ZFHX2: variants seen among roughly 807,000 people sequenced by gnomAD.
ZFHX2 encodes zinc finger homeobox protein 2.
Under a neutral mutation model 164.8 loss-of-function variants are expected in ZFHX2, and 75 were observed. The ratio of observed to expected loss-of-function variants is 0.46; its 90% CI spans 0.38 to 0.55. ZFHX2 has a LOEUF of 0.55. Ranked by LOEUF, ZFHX2 falls within the 20% of genes least tolerant of loss-of-function variation. The pLI, the probability that ZFHX2 is intolerant of heterozygous loss-of-function variation, is 0.00. For missense variants in ZFHX2, 2,933 were observed against 3,308.0 expected (o/e 0.89, Z 2.78); for synonymous variants, 1,217 against 1,351.4 (o/e 0.90, Z 2.18).
chr14:23,537,514 A>G (rs1427350542), intron 1 of ZFHX2, among the ~76,000 whole-genome samples: 1 of 152,060 alleles, frequency 6.6e-6, no homozygotes, highest in African/African-American at 2.4e-5. Flanking sequence ...TGAAGGCCCC[A>G]TTGTAGCTTC....
chr14:23,538,469 C>T (rs1880435071), intron 1 of ZFHX2, among the ~76,000 whole-genome samples: 2 of 152,066 alleles, frequency 1.3e-5, no homozygotes, highest in Admixed American at 1.3e-4. Context: ...CTCTCAGAAT[C>T]GCTAGGTCCC....
rs1881341544 is a variant in ZFHX2, at chr14:23,546,001, A to C, written c.-50+5342T>G. The stretch of plus-strand genomic sequence containing the variant: ...GTAATTGACTCTTGACCTCTAGCCC[A>C]AGCCCAGCCCCAAAGGGAGAGGTCC... On this transcript the variant is annotated intron_variant, in intron 1 of 9. Transcript: ENST00000419474. The surrounding 1 kb of genome is among the most constrained non-coding windows in gnomAD (Gnocchi z 4.7). Among the ~76,000 whole-genome samples the C allele has an allele frequency of 6.6e-6, 1 of 152,226 alleles. No homozygotes were observed. Among genetic ancestry groups the C allele is most frequent in the Non-Finnish European group, 1.5e-5 (1 of 68,040 alleles).
In ZFHX2 at chr14:23,525,904, G is replaced by A. The variant is rs988358304; in HGVS notation, c.4038C>T (p.Pro1346=). 2 of 1,467,954 alleles carry A rather than the reference G, an allele frequency of 1.4e-6. No homozygotes were observed. The highest frequency in any genetic ancestry group is 2.5e-5 in the East Asian group (1 of 40,480). 90.9% of individuals were successfully genotyped at this position (1,467,954 alleles called of 1,614,324 possible). A position where few individuals can be genotyped will look rare whatever the true frequency, so the allele number is the denominator to read the frequency against. Residue 1346 remains proline, a synonymous_variant, in exon 9 of 10, where the codon CCC becomes CCT. Transcript: ENST00000419474. This position sits in a 1 kb window ranked among gnomAD's most constrained non-coding sequence, Gnocchi z 5.9. ...GTGATTCGGGCACCAGAGGGAAGGG[G>A]GGCAGGACTGGTGGGGTGAAGAGAG... is the stretch of plus-strand genomic sequence containing the variant. ...PAPLFTPPVL[P]PFPLVPESLL...
chr14:23,555,048 C>T (rs887868970), upstream of ZFHX2, among the ~76,000 whole-genome samples: 2 of 152,182 alleles, frequency 1.3e-5, no homozygotes, highest in African/African-American at 2.4e-5. Context: ...AGTGCAGTGG[C>T]GCCATCTCAG....
intron 1 of ZFHX2, among the ~76,000 whole-genome samples, chr14:23,538,613 C>G (rs1025826787): frequency 2.0e-5 from 3 of 152,086 alleles, no homozygotes; most frequent in African/African-American, 7.2e-5. Flanking sequence ...CCTTTAGTTC[C>G]TGGCTTTCCT....
Position 23,532,985 on chromosome 14 carries a change from A to G in ZFHX2, c.2141T>C (p.Leu714Pro), listed in dbSNP as rs1879749134. 1 of 1,536,052 alleles carries G rather than the reference A, an allele frequency of 6.5e-7. No individual in the cohort carries two copies. Among genetic ancestry groups the G allele is most frequent in the African/African-American group, 1.4e-5 (1 of 73,044 alleles). Residue 714 changes from leucine to proline, a missense_variant, in exon 3 of 10, where the codon CTG (leucine) becomes CCG (proline). Transcript: ENST00000419474. ...LPTSPPPDDSLSLKVFRCLVC... is the reference protein window; with the variant it reads ...LPTSPPPDDSPSLKVFRCLVC... The stretch of plus-strand genomic sequence containing the variant: ...TAGGCAGCGGAACACCTTCAGGGAC[A>G]GGCTGTCGTCTGGGGGTGGTGAGGT...
In ZFHX2 at chr14:23,524,527, T is replaced by G; in HGVS notation, c.5415A>C (p.Leu1805=). The change falls in exon 9 of 10, where the codon CTA becomes CTC. Residue 1805 remains leucine, a synonymous_variant. Coordinates refer to ENST00000419474, the MANE Select transcript of ZFHX2 (RefSeq NM_033400.3). This position sits in a 1 kb window ranked among gnomAD's most constrained non-coding sequence, Gnocchi z 5.6. ...CCCCAAACACCAGCAAGGGCAGATC[T>G]AGGAGTTGGGGGGGAGCACTGGGCT... ...SLQPSAPPQL[L]DLPLLVFGER... 6.5e-7 allele frequency: 1 copy of G among 1,526,762 alleles called. No individual in the cohort carries two copies. The highest frequency in any genetic ancestry group is 1.7e-4 in the Middle Eastern group (1 of 5,918). 94.6% of individuals were successfully genotyped at this position (1,526,762 alleles called of 1,614,324 possible).
intron 7 of ZFHX2, 76 bp from the exon 8 acceptor site, chr14:23,527,049 A>G: frequency 7.0e-7 from 1 of 1,419,764 alleles, no homozygotes; most frequent in Non-Finnish European, 9.1e-7. Context: ...CATCTGCCCT[A>G]CACCTGTACT....
In ZFHX2 at chr14:23,526,398, C is replaced by T; in HGVS notation, c.3544G>A (p.Asp1182Asn). 6.5e-7 allele frequency: 1 copy of T among 1,536,232 alleles called. No individual in the cohort carries two copies. Among genetic ancestry groups the T allele is most frequent in the Admixed American group, 2.0e-5 (1 of 50,990 alleles). Residue 1182 changes from aspartate to asparagine, a missense_variant, in exon 9 of 10, where the codon GAC becomes AAC. By Grantham distance (23) the Asp-to-Asn change is conservative. Transcript: ENST00000419474. ...GGCCGGGCAGGGTCGAGAAACTTGTCCAGGGCAAAGTTGGTGGTTTTCCGA... is the reference window on the plus strand; with the variant it reads ...GGCCGGGCAGGGTCGAGAAACTTGTTCAGGGCAAAGTTGGTGGTTTTCCGA... ...TYRKTTNFAL[D>N]KFLDPARPYK...
In ZFHX2 at chr14:23,523,268, G is replaced by A. The variant is rs1373530968; in HGVS notation, c.6674C>T (p.Pro2225Leu). 9.0e-6 allele frequency: 13 copies of A among 1,436,636 alleles called. No individual in the cohort carries two copies. The highest frequency in any genetic ancestry group is 2.5e-5 in the East Asian group (1 of 39,842). The allele number at this position is 1,436,636 out of a possible 1,614,324, so 89.0% of individuals were successfully genotyped here. A position where few individuals can be genotyped will look rare whatever the true frequency, so the allele number is the denominator to read the frequency against. The change falls in exon 9 of 10, where the codon CCG (proline) becomes CTG (leucine). Residue 2225 changes from proline to leucine, a missense_variant. Pro to Leu is a moderately conservative substitution (Grantham distance 98, BLOSUM62 -3). Coordinates refer to ENST00000419474, the MANE Select transcript of ZFHX2 (RefSeq NM_033400.3). This position sits in a 1 kb window ranked among gnomAD's most constrained non-coding sequence, Gnocchi z 4.1. ...CAGAGCTGGGCCAGATAAGAGGACC[G>A]GCGCCAGGCGAGGCAAGGTTGGGGC... is the stretch of plus-strand genomic sequence containing the variant. ...GAAPTLPRLA[P>L]VLLSGPALAQ...
At chr14:23,530,305 G>T in intron 4 of ZFHX2, 111 bp from the exon 5 acceptor site, 1 of 824,898 alleles carries the variant, frequency 1.2e-6, no homozygotes, top group Non-Finnish European at 2.0e-6. Flanking sequence ...GAAAATGGAT[G>T]GCTCAATCAG....
At chr14:23,529,564 C>A in intron 6 of ZFHX2, 146 bp downstream of exon 6, 1 of 828,036 alleles carries the variant, frequency 1.2e-6, no homozygotes, top group Non-Finnish European at 1.9e-6. Flanking sequence ...ACATGTGGAA[C>A]TGGATCTGGG....
chr14:23,525,949 G>T lies in ZFHX2; in HGVS notation c.3993C>A (p.Asp1331Glu), dbSNP rs776578846. 2.0e-6 allele frequency: 3 copies of T among 1,496,572 alleles called. No individual in the cohort carries two copies. In the South Asian group the frequency reaches 4.0e-5, roughly 20 times the overall value. 92.7% of individuals were successfully genotyped at this position (1,496,572 alleles called of 1,614,324 possible). ...PFLSPPPPPL[D>E]LHRFPAPLFT... ...AGAGAGGGGCTGGGAATCGGTGCAG[G>T]TCCAAGGGAGGTGGGGGAGGGGACA... is the stretch of plus-strand genomic sequence containing the variant. Residue 1331 changes from aspartate (D) to glutamate (E), a missense_variant, in exon 9 of 10, where the codon GAC becomes GAA. Physicochemically the swap from Asp to Glu is conservative, Grantham distance 45. Transcript: ENST00000419474. This position sits in a 1 kb window ranked among gnomAD's most constrained non-coding sequence, Gnocchi z 5.9.
intron 3 of ZFHX2, chr14:23,532,135 C>G (rs1879647930): frequency 5.8e-6 from 1 of 173,848 alleles, no homozygotes; most frequent in African/African-American, 2.4e-5. Context: ...CCTCCCCACC[C>G]CTCGCTTCCT....
intron 1 of ZFHX2, chr14:23,543,201 C>G (rs1881016440): frequency 6.6e-6 from 1 of 152,176 alleles, no homozygotes. Context: ...CGTGCTAGGC[C>G]CTCGGCAAGT....
upstream of ZFHX2, among the ~76,000 whole-genome samples, chr14:23,553,911 A>C (rs763992382): frequency 6.6e-6 from 1 of 151,780 alleles, no homozygotes; most frequent in African/African-American, 2.4e-5. Context: ...CAAACAAACA[A>C]AAATTAGGAG....
intron 3 of ZFHX2, 123 bp downstream of exon 3, chr14:23,532,444 G>A (rs917359722): frequency 9.2e-6 from 11 of 1,199,168 alleles, no homozygotes; most frequent in Non-Finnish European, 1.2e-5. Flanking sequence ...ATTACCTGGT[G>A]CATACTTTCC....
intron 1 of ZFHX2, among the ~76,000 whole-genome samples, chr14:23,544,720 T>G (rs770840034): frequency 6.6e-6 from 1 of 152,168 alleles, no homozygotes; most frequent in African/African-American, 2.4e-5. Flanking sequence ...ACACTCTCGC[T>G]GCCTCTAATG....
intron 1 of ZFHX2, chr14:23,538,101 T>A (rs1442682734): frequency 6.6e-6 from 1 of 152,206 alleles, no homozygotes; most frequent in Non-Finnish European, 1.5e-5. Context: ...CAAAAACATC[T>A]ATTTCCTAGA....
Sources: gnomAD v4.1 joint callset for allele counts (sites outside exome capture counted in the v4.1 genomes callset) on GRCh38, gnomAD v4.1.1 for gene constraint, Gnocchi (gnomAD v3.1) non-coding constraint, MANE v1.5 for transcripts, NCBI Gene and HGNC (gene_info 2026-07-23, HGNC 2026-07-21) for gene names.